RPSA2: variants seen among roughly 807,000 people sequenced by gnomAD.
RPSA2 encodes the protein ribosomal protein SA 2.
the RPSA2 span, chr19:23,828,127 A>AAAAAG: frequency 1.8e-6 from 1 of 545,704 alleles, no homozygotes. Context: ...AAAAAAAAAA[A>AAAAAG]AAAAAAAATG....
chr19:23,845,788 G>T, the RPSA2 span, among the ~76,000 whole-genome samples: 1 of 152,164 alleles, frequency 6.6e-6, no homozygotes. Flanking sequence ...CACCACCTCT[G>T]GCTGGCCATC....
the RPSA2 span, among the ~76,000 whole-genome samples, chr19:23,787,611 A>T: frequency 6.6e-6 from 1 of 152,126 alleles, no homozygotes; most frequent in Non-Finnish European, 1.5e-5. Flanking sequence ...TCCATCTCAA[A>T]AAACAAAAAC....
At chr19:23,818,531 T>C in the RPSA2 span, 2 of 152,826 alleles carry the variant, frequency 1.3e-5, no homozygotes, top group East Asian at 1.9e-4. Context: ...CCAGTCTATT[T>C]TGATAAACGG....
the RPSA2 span, among the ~76,000 whole-genome samples, chr19:23,798,394 G>A: frequency 6.6e-6 from 1 of 152,054 alleles, no homozygotes; most frequent in African/African-American, 2.4e-5. Flanking sequence ...GTCATACCTT[G>A]GTTTCTATTT....
chr19:23,781,266 G>C, the RPSA2 span, among the ~76,000 whole-genome samples: 148,931 of 152,248 alleles, frequency 0.98, 72,932 homozygotes, highest in Middle Eastern at 1. Flanking sequence ...ACCGCCATGC[G>C]TGGCCTCGGG....
the RPSA2 span, chr19:23,833,111 A>G: frequency 5.6e-6 from 7 of 1,244,570 alleles, no homozygotes; most frequent in Non-Finnish European, 5.1e-6. Flanking sequence ...ACTAAACATA[A>G]GGTAATTCTT....
chr19:23,759,083 G>A, the RPSA2 span, among the ~76,000 whole-genome samples: 7 of 152,134 alleles, frequency 4.6e-5, no homozygotes, highest in South Asian at 1.0e-3. Context: ...TTCAGACAGG[G>A]CTCCCTCCCT....
the RPSA2 span, among the ~76,000 whole-genome samples, chr19:23,855,029 T>C: frequency 8.5e-5 from 13 of 152,170 alleles, no homozygotes; most frequent in Non-Finnish European, 1.9e-4. Context: ...AAAATCAGGA[T>C]ATAATTCATT....
chr19:23,848,643 G>A, the RPSA2 span, among the ~76,000 whole-genome samples: 9 of 152,314 alleles, frequency 5.9e-5, no homozygotes, highest in Admixed American at 3.3e-4. Context: ...CAGTCTTGTT[G>A]TAGGAATATG....
chr19:23,868,028 G>T, the RPSA2 span, among the ~76,000 whole-genome samples: 1 of 152,112 alleles, frequency 6.6e-6, no homozygotes, highest in Non-Finnish European at 1.5e-5. Context: ...ACATTTAGAG[G>T]AGTCAGTTCC....
chr19:23,827,076 T>C, the RPSA2 span: 1 of 734,166 alleles, frequency 1.4e-6, no homozygotes, highest in Non-Finnish European at 2.4e-6. Context: ...ACAGTAACAA[T>C]GCTGCAGCTT....
chr19:23,758,940 C>T, the RPSA2 span: 5 of 680,204 alleles, frequency 7.4e-6, no homozygotes, highest in East Asian at 2.6e-5. Flanking sequence ...CAGCTGCATG[C>T]CTGATTGGAC....
the RPSA2 span, among the ~76,000 whole-genome samples, chr19:23,810,131 T>C: frequency 6.6e-6 from 1 of 152,090 alleles, no homozygotes; most frequent in Non-Finnish European, 1.5e-5. Context: ...CGGTGGCTCA[T>C]GCCTGTAATC....
the RPSA2 span, among the ~76,000 whole-genome samples, chr19:23,763,493 T>C: frequency 6.6e-6 from 1 of 152,216 alleles, no homozygotes; most frequent in Non-Finnish European, 1.5e-5. Flanking sequence ...AACATTTTGT[T>C]TGAGACGGAG....
At chr19:23,774,848 C>T in the RPSA2 span, among the ~76,000 whole-genome samples, 1 of 152,188 alleles carries the variant, frequency 6.6e-6, no homozygotes, top group Admixed American at 6.5e-5. Context: ...GGTTTTAACT[C>T]TTCTGCCTGG....
At chr19:23,841,175 T>C in the RPSA2 span, among the ~76,000 whole-genome samples, 1 of 152,140 alleles carries the variant, frequency 6.6e-6, no homozygotes, top group Non-Finnish European at 1.5e-5. Flanking sequence ...ACGTGTTTTC[T>C]CAAGGATTTC....
chr19:23,769,920 C>T, the RPSA2 span, among the ~76,000 whole-genome samples: 1 of 152,140 alleles, frequency 6.6e-6, no homozygotes, highest in African/African-American at 2.4e-5. Flanking sequence ...TTATATTAAT[C>T]ACCTAGGTGA....
chr19:23,834,075 A>T, the RPSA2 span, among the ~76,000 whole-genome samples: 5 of 152,128 alleles, frequency 3.3e-5, no homozygotes, highest in African/African-American at 1.2e-4. Flanking sequence ...TGTAAATATC[A>T]GAATAATCCA....
chr19:23,782,148 A>G, the RPSA2 span: 1 of 152,294 alleles, frequency 6.6e-6, no homozygotes. Flanking sequence ...CTGTCTACAG[A>G]GGGGATTGTA....
Sources: gnomAD v4.1 joint callset for allele counts (sites outside exome capture counted in the v4.1 genomes callset) on GRCh38, gnomAD v4.1.1 for gene constraint, MANE v1.5 for transcripts, NCBI Gene and HGNC (gene_info 2026-07-23, HGNC 2026-07-21) for gene names.